SLC39A14: variants seen among roughly 807,000 people sequenced by gnomAD.
SLC39A14 encodes the protein metal cation symporter ZIP14.
In SLC39A14, 19 loss-of-function variants were observed where a neutral mutation model predicts 45.5. The ratio of observed to expected loss-of-function variants is 0.42; its 90% CI spans 0.29 to 0.61. The LOEUF (loss-of-function observed/expected upper bound fraction) is 0.61, where lower values mean the gene tolerates loss of function less well. SLC39A14 is among the 20% of genes least tolerant of loss of function. The pLI is 0.22. For synonymous variants in SLC39A14, 264 were observed against 251.3 expected (o/e 1.05, Z -0.48); for missense variants, 447 against 616.5 (o/e 0.73, Z 2.91).
chr8:22,390,437 C>G (rs1399061354), intron 1 of SLC39A14: 6 of 152,146 alleles, frequency 3.9e-5, no homozygotes, highest in African/African-American at 1.4e-4. Context: ...TCCCGAATAG[C>G]TGGGACTACA....
chr8:22,433,744 T>C (rs964208033), intron 8 of SLC39A14: 1 of 177,048 alleles, frequency 5.6e-6, no homozygotes, highest in South Asian at 8.9e-5. Context: ...GTATTTTTTA[T>C]AGAGACGCGG....
At chr8:22,430,860 A>G (rs778453675) in intron 8 of SLC39A14, among the ~76,000 whole-genome samples, 17 of 151,946 alleles carry the variant, frequency 1.1e-4, no homozygotes, top group Non-Finnish European at 1.3e-4. Context: ...TTTAGTAGAA[A>G]CAAGGTTTTA....
chr8:22,402,001 T>A (rs570153567), intron 1 of SLC39A14, among the ~76,000 whole-genome samples: 13 of 152,366 alleles, frequency 8.5e-5, no homozygotes, highest in South Asian at 2.1e-4. Context: ...TTTTTACTTT[T>A]GGATTACTTC....
chr8:22,414,529 A>T lies in SLC39A14; in HGVS notation c.628-251A>T, dbSNP rs139285982. Among the ~76,000 whole-genome samples, 6 of 152,370 alleles carry T rather than the reference A, an allele frequency of 3.9e-5. No individual in the cohort carries two copies. The East Asian group carries it at 1.2e-3, about 29-fold the overall frequency. ...ATCGGAGGTTTTTCTTTCTGGGATT[A>T]AAATTCTACAGATGATCAGTCTTTT... On this transcript the variant is annotated intron_variant, in intron 4 of 8. Coordinates refer to ENST00000381237, the MANE Select transcript of SLC39A14 (RefSeq NM_001128431.4).
At chr8:22,413,154 AT>A (rs1244689482) in intron 4 of SLC39A14, among the ~76,000 whole-genome samples, 1 of 152,202 alleles carries the variant, frequency 6.6e-6, no homozygotes, top group Non-Finnish European at 1.5e-5. Context: ...CAGCAGACCC[AT>A]TAATTACAAT....
At chr8:22,376,880 GAA>G (rs955630510) in intron 1 of SLC39A14, among the ~76,000 whole-genome samples, 1 of 148,542 alleles carries the variant, frequency 6.7e-6, no homozygotes, top group Non-Finnish European at 1.5e-5. Flanking sequence ...AATGTCTGGG[GAA>G]AAAAAAAATA....
Position 22,420,175 on chromosome 8 carries a change from A to G in SLC39A14, c.*477A>G. 1.0e-6 allele frequency: 1 copy of G among 986,224 alleles called. No individual in the cohort carries two copies. The highest frequency in any genetic ancestry group is 1.2e-6 in the Non-Finnish European group (1 of 830,510). 61.1% of individuals were successfully genotyped at this position (986,224 alleles called of 1,614,324 possible). ...CTGGCCAATAGAAGAGACAGGAGACAGGAAGCCTTCCCATTTTTTCAAAGT... is the reference window on the plus strand; with the variant it reads ...CTGGCCAATAGAAGAGACAGGAGACGGGAAGCCTTCCCATTTTTTCAAAGT... On this transcript the variant is annotated 3_prime_UTR_variant, in exon 9 of 9. Transcript: ENST00000381237.
intron 1 of SLC39A14, among the ~76,000 whole-genome samples, chr8:22,385,979 G>T (rs1417651585): frequency 6.6e-6 from 1 of 152,134 alleles, no homozygotes; most frequent in East Asian, 1.9e-4. Context: ...TCTCACTCTT[G>T]CCTAGGCTGG....
At chr8:22,392,776 G>GCTCCCTCC (rs1419826740) in intron 1 of SLC39A14, 3 of 152,344 alleles carry the variant, frequency 2.0e-5, no homozygotes, top group African/African-American at 7.2e-5. Context: ...TGGCAAATGT[G>GCTCCCTCC]CTCCCTCCCT....
chr8:22,419,974 C>A lies in SLC39A14; in HGVS notation c.*276C>A. The A allele has an allele frequency of 8.8e-7, 1 of 1,141,784 alleles. No homozygotes were observed. The highest frequency in any genetic ancestry group is 1.1e-6 in the Non-Finnish European group (1 of 929,342). 70.7% of individuals were successfully genotyped at this position (1,141,784 alleles called of 1,614,324 possible). On this transcript the variant is annotated 3_prime_UTR_variant, in exon 9 of 9. Transcript: ENST00000381237. The stretch of plus-strand genomic sequence containing the variant: ...ACCTGAATGCAGCTTACAAGACAAG[C>A]CTGACTTTTTTCTCTGATTACCTTG...
intron 3 of SLC39A14, among the ~76,000 whole-genome samples, chr8:22,411,140 A>G (rs1835543595): frequency 6.6e-6 from 1 of 152,166 alleles, no homozygotes; most frequent in African/African-American, 2.4e-5. Context: ...GGAATATATT[A>G]ATTTTTTAAA....
intron 2 of SLC39A14, among the ~76,000 whole-genome samples, chr8:22,406,622 G>A (rs532890605): frequency 6.6e-6 from 1 of 152,318 alleles, no homozygotes; most frequent in South Asian, 2.1e-4. Flanking sequence ...AGCCCAGGAG[G>A]CAGAGGTCGC....
chr8:22,372,978 T>A (rs1316744722), intron 1 of SLC39A14, among the ~76,000 whole-genome samples: 1 of 151,532 alleles, frequency 6.6e-6, no homozygotes, highest in Non-Finnish European at 1.5e-5. Context: ...AAAAAAAATG[T>A]TTTGAACGGG....
Position 22,406,889 on chromosome 8 carries a change from A to G in SLC39A14, c.271-1421A>G, listed in dbSNP as rs139827477. Among the ~76,000 whole-genome samples the G allele has an allele frequency of 4.8e-4, 73 of 152,234 alleles. 2 individuals carry two copies. The East Asian group carries it at 0.013, about 27-fold the overall frequency. On this transcript the variant is annotated intron_variant, in intron 2 of 8. Transcript: ENST00000381237. ...GTCCAGCCCCCAGCCTTAGAAGCGC[A>G]GGCACTTATTTTGGGAGCACACCAA...
chr8:22,427,652 G>C (rs920174391), downstream of SLC39A14, among the ~76,000 whole-genome samples: 5 of 152,148 alleles, frequency 3.3e-5, no homozygotes, highest in Admixed American at 3.3e-4. Flanking sequence ...TATAGATGTG[G>C]CCCTTGAAGT....
chr8:22,398,087 A>T (rs1010165105), intron 1 of SLC39A14: 2 of 152,208 alleles, frequency 1.3e-5, no homozygotes, highest in African/African-American at 4.8e-5. Flanking sequence ...CACTGAGGCC[A>T]GTCAGTGGTG....
intron 1 of SLC39A14, among the ~76,000 whole-genome samples, chr8:22,378,179 C>T (rs148029888): frequency 2.6e-4 from 40 of 152,324 alleles, no homozygotes; most frequent in Non-Finnish European, 5.1e-4. Context: ...ACCCATACTG[C>T]CTGGCCCTGC....
chr8:22,409,883 A>G, intron 3 of SLC39A14: 1 of 1,571,630 alleles, frequency 6.4e-7, no homozygotes, highest in Non-Finnish European at 8.7e-7. Flanking sequence ...GGGCCGCCCC[A>G]GGCAGCAGGA....
chr8:22,412,195 C>T lies in SLC39A14; in HGVS notation c.616C>T (p.Leu206Phe). The change falls in exon 4 of 9, where the codon CTC becomes TTC. Residue 206 changes from leucine to phenylalanine, a missense_variant. Coordinates refer to ENST00000381237, the MANE Select transcript of SLC39A14 (RefSeq NM_001128431.4). The part of the protein sequence containing the change: ...GTLYSNALFQ[L>F]IPEAFGFNPL... The stretch of plus-strand genomic sequence containing the variant: ...CCTCTACTCCAACGCCCTCTTCCAG[C>T]TCATCCCGGAGGTATGGCAAGCCAG... The T allele has an allele frequency of 6.4e-7, 1 of 1,551,666 alleles. No individual in the cohort carries two copies. The highest frequency in any genetic ancestry group is 8.7e-7 in the Non-Finnish European group (1 of 1,146,958).
Sources: allele counts gnomAD v4.1 joint callset (sites outside exome capture counted in the v4.1 genomes callset), GRCh38; gene constraint gnomAD v4.1.1; transcripts MANE v1.5; gene names NCBI Gene and HGNC (gene_info 2026-07-23, HGNC 2026-07-21).